Variants in SCN9A observed in about 807,000 individuals in gnomAD.
SCN9A encodes sodium channel protein type 9 subunit alpha.
A neutral mutation model predicts 187.0 loss-of-function variants in SCN9A; 131 were observed. That is an observed-to-expected ratio of 0.70 (90% CI 0.61 to 0.81). SCN9A has a LOEUF of 0.81. Among genes scored for constraint, SCN9A ranks in the 30% least tolerant of loss-of-function variants. The pLI is 0.00. For missense variants in SCN9A, 2,252 were observed against 2,396.6 expected (o/e 0.94, Z 1.26); for synonymous variants, 809 against 808.6 (o/e 1.00, Z -0.01).
At chr2:166,374,888 G>A (rs1700651749) in intron 1 of SCN9A, among the ~76,000 whole-genome samples, 1 of 151,184 alleles carries the variant, frequency 6.6e-6, no homozygotes, top group Admixed American at 6.6e-5. Flanking sequence ...CTTAACATCA[G>A]AGTAGATATA....
chr2:166,299,694 G>C (rs1255534547), intron 7 of SCN9A, among the ~76,000 whole-genome samples: 1 of 150,762 alleles, frequency 6.6e-6, no homozygotes, highest in East Asian at 1.9e-4. Context: ...AGAGGTGTGT[G>C]TGTCCTTTCT....
intron 18 of SCN9A, among the ~76,000 whole-genome samples, chr2:166,247,651 G>A (rs1695853494): frequency 6.6e-6 from 1 of 151,966 alleles, no homozygotes; most frequent in Non-Finnish European, 1.5e-5. Context: ...TGAGTAGCTG[G>A]GACTACAGGC....
intron 1 of SCN9A, among the ~76,000 whole-genome samples, chr2:166,319,441 G>A (rs1035338144): frequency 7.3e-5 from 11 of 151,426 alleles, no homozygotes; most frequent in South Asian, 2.1e-4. Context: ...TCTTTAGAAC[G>A]TGTAAATAGC....
intron 23 of SCN9A, among the ~76,000 whole-genome samples, chr2:166,227,063 T>G (rs948730733): frequency 7.2e-5 from 11 of 152,106 alleles, no homozygotes. Context: ...CATTATCATA[T>G]TTATACACAT....
At chr2:166,215,395 AAAG>A (rs1342883894) in intron 24 of SCN9A, among the ~76,000 whole-genome samples, 2 of 152,144 alleles carry the variant, frequency 1.3e-5, no homozygotes, top group African/African-American at 4.8e-5. Flanking sequence ...GAGATTAGAA[AAAG>A]AAGAACAGAA....
intron 10 of SCN9A, 96 bp downstream of exon 10, chr2:166,288,341 A>AATTTAATT: frequency 1.1e-6 from 1 of 924,236 alleles, no homozygotes; most frequent in East Asian, 2.5e-5. Context: ...ATTAAAGAAA[A>AATTTAATT]TCTAGCTGGA....
intron 1 of SCN9A, among the ~76,000 whole-genome samples, chr2:166,318,869 T>A (rs1185550543): frequency 6.6e-6 from 1 of 152,074 alleles, no homozygotes; most frequent in Non-Finnish European, 1.5e-5. Context: ...AGGAGAATTT[T>A]AAAAATTAAA....
At chr2:166,279,288 A>G (rs1697373829) in intron 14 of SCN9A, among the ~76,000 whole-genome samples, 1 of 152,222 alleles carries the variant, frequency 6.6e-6, no homozygotes, top group African/African-American at 2.4e-5. Flanking sequence ...AGACAGACTC[A>G]GAAAAGAACT....
Position 166,204,183 on chromosome 2 carries a change from C to T in SCN9A, c.4546G>A (p.Ala1516Thr), listed in dbSNP as rs201150015. The change falls in exon 26 of 27, where the codon GCC becomes ACC. Residue 1516 changes from alanine to threonine, a missense_variant. By Grantham distance (58) the Ala-to-Thr change is moderately conservative (BLOSUM62 0). This residue lies in a region of SCN9A where 368 missense variants were observed against 408.6 expected (regional missense o/e 0.90). Transcript: ENST00000642356. Reference protein sequence around the residue: ...GCIFDLVTNQAFDISIMVLIC... With the variant: ...GCIFDLVTNQTFDISIMVLIC... Reference sequence around the variant, plus strand: ...AGAACCATGATACTAATATCAAAGGCTTGATTTGTCACTAGGTCAAATATA... The same window carrying T: ...AGAACCATGATACTAATATCAAAGGTTTGATTTGTCACTAGGTCAAATATA... The T allele has an allele frequency of 5.0e-6, 8 of 1,612,196 alleles. No homozygotes were observed. The highest frequency in any genetic ancestry group is 1.1e-5 in the South Asian group (1 of 90,960).
intron 1 of SCN9A, among the ~76,000 whole-genome samples, chr2:166,338,213 G>A (rs1373394766): frequency 6.6e-6 from 1 of 152,034 alleles, no homozygotes; most frequent in Non-Finnish European, 1.5e-5. Flanking sequence ...AAAATTGCTT[G>A]TCTCACATGA....
intron 24 of SCN9A, among the ~76,000 whole-genome samples, chr2:166,217,309 T>A (rs1046693836): frequency 1.3e-5 from 2 of 152,060 alleles, no homozygotes; most frequent in Non-Finnish European, 2.9e-5. Flanking sequence ...CAAGGATTTC[T>A]TGGCTAGGAC....
chr2:166,337,883 C>A (rs1699667720), intron 1 of SCN9A, among the ~76,000 whole-genome samples: 1 of 151,984 alleles, frequency 6.6e-6, no homozygotes, highest in African/African-American at 2.4e-5. Context: ...CATACTTGAA[C>A]CAATAAGAAC....
In SCN9A at chr2:166,284,450, T is replaced by TA. The variant is rs1276591260; in HGVS notation, c.1974+2dup. The TA allele has an allele frequency of 1.2e-6, 2 of 1,606,294 alleles. No homozygotes were observed. The highest frequency in any genetic ancestry group is 1.1e-5 in the South Asian group (1 of 90,188). ...ATGCCTGAGCTATGTAAAACGTCCTTACGCTGTCATCAGAAGTTGCCTTAT... is the reference window on the plus strand; with the variant it reads ...ATGCCTGAGCTATGTAAAACGTCCTTAACGCTGTCATCAGAAGTTGCCTTAT... On this transcript the variant is annotated splice_region_variant and intron_variant, in intron 12 of 26. Transcript: ENST00000642356.
At chr2:166,333,021 T>C (rs1699544411) in intron 1 of SCN9A, among the ~76,000 whole-genome samples, 1 of 151,398 alleles carries the variant, frequency 6.6e-6, no homozygotes, top group Non-Finnish European at 1.5e-5. Context: ...AATATATTTA[T>C]TTTAAGAAAT....
chr2:166,208,502 C>T (rs1389100680), intron 24 of SCN9A, among the ~76,000 whole-genome samples: 1 of 150,900 alleles, frequency 6.6e-6, no homozygotes, highest in Non-Finnish European at 1.5e-5. Context: ...TTATTGTTAA[C>T]ATTTACTCCA....
chr2:166,335,529 G>A (rs1011102936), intron 1 of SCN9A, among the ~76,000 whole-genome samples: 2 of 152,114 alleles, frequency 1.3e-5, no homozygotes, highest in Non-Finnish European at 2.9e-5. Flanking sequence ...CTAAATTTTG[G>A]AAACATGGTC....
At chr2:166,207,960 A>G (rs1459024033) in intron 24 of SCN9A, among the ~76,000 whole-genome samples, 1 of 152,212 alleles carries the variant, frequency 6.6e-6, no homozygotes, top group Non-Finnish European at 1.5e-5. Context: ...GAAAACTCCA[A>G]CTTTGAAGAG....
chr2:166,264,035 A>ATC (rs1190919608), intron 17 of SCN9A, among the ~76,000 whole-genome samples: 2 of 152,024 alleles, frequency 1.3e-5, no homozygotes, highest in Admixed American at 6.6e-5. Flanking sequence ...CAGCCGTAAG[A>ATC]AACTAATACA....
chr2:166,263,207 G>A (rs1023321947), intron 17 of SCN9A, among the ~76,000 whole-genome samples: 2 of 151,914 alleles, frequency 1.3e-5, no homozygotes, highest in African/African-American at 4.8e-5. Flanking sequence ...AGGATCAGCC[G>A]AAATCTCTGT....
Sources: gnomAD v4.1 joint callset for allele counts (sites outside exome capture counted in the v4.1 genomes callset) on GRCh38, gnomAD v4.1.1 for gene constraint, gnomAD v4.1.1 regional missense constraint, MANE v1.5 for transcripts, NCBI Gene and HGNC (gene_info 2026-07-23, HGNC 2026-07-21) for gene names.